Variants in EYS observed in about 807,000 individuals in gnomAD.
EYS encodes EGF-like photoreceptor maintenance factor.
Under a neutral mutation model 282.1 loss-of-function variants are expected in EYS, and 250 were observed. The observed-to-expected ratio is 0.89, with a 90% CI of 0.80 to 0.98. The LOEUF (loss-of-function observed/expected upper bound fraction) is 0.98, where lower values mean the gene tolerates loss of function less well. Among genes scored for constraint, EYS ranks in the 50% least tolerant of loss-of-function variants. EYS has a pLI of 0.00. For missense variants in EYS, 4,016 were observed against 3,709.0 expected (o/e 1.08, Z -2.15); for synonymous variants, 1,355 against 1,282.9 (o/e 1.06, Z -1.20).
At chr6:65,638,096 A>G (rs1582550457) in intron 2 of EYS, among the ~76,000 whole-genome samples, 2 of 152,106 alleles carry the variant, frequency 1.3e-5, no homozygotes, top group African/African-American at 4.8e-5. Context: ...ATAAGCGCAT[A>G]TTTCCTCCCT....
In EYS at chr6:64,707,659, G is replaced by A. The variant is rs554512211; in HGVS notation, c.3444-81414C>T. Among the ~76,000 whole-genome samples the A allele has an allele frequency of 4.4e-4, 27 of 61,964 alleles. No homozygotes were observed. In the East Asian group the frequency reaches 0.01, roughly 24 times the overall value. 40.7% of individuals were successfully genotyped at this position (61,964 alleles called of 152,430 possible). ...CAGCCGGGGCGACAGAGTGAGACTCGTATCAAAAAAAAAAAAAAAAAAAAG... is the reference window on the plus strand; with the variant it reads ...CAGCCGGGGCGACAGAGTGAGACTCATATCAAAAAAAAAAAAAAAAAAAAG... On this transcript the variant is annotated intron_variant, in intron 22 of 42. Transcript: ENST00000503581.
chr6:65,386,926 A>C (rs1244599907), intron 7 of EYS, among the ~76,000 whole-genome samples: 4 of 151,894 alleles, frequency 2.6e-5, no homozygotes. Flanking sequence ...TTAAGGTGTC[A>C]TTTTAGTGGT....
intron 5 of EYS, among the ~76,000 whole-genome samples, chr6:65,477,914 A>C (rs2127251541): frequency 6.6e-6 from 1 of 152,312 alleles, no homozygotes; most frequent in Non-Finnish European, 1.5e-5. Context: ...TTTCAGACTA[A>C]AAAATTGTGT....
chr6:63,835,341 A>C (rs1021908178), intron 36 of EYS, among the ~76,000 whole-genome samples: 1 of 151,358 alleles, frequency 6.6e-6, no homozygotes, highest in African/African-American at 2.4e-5. Flanking sequence ...CTCTCTCTAT[A>C]TATATATACA....
rs9453336 is a variant in EYS, at chr6:65,586,626, G to A, written c.-333+53152C>T. 2.6e-3 allele frequency among the ~76,000 whole-genome samples: 393 copies of A among 152,202 alleles called. 2 individuals carry two copies. Among genetic ancestry groups the A allele is most frequent in the African/African-American group, 9.1e-3 (380 of 41,562 alleles). On this transcript the variant is annotated intron_variant, in intron 2 of 42. Coordinates refer to ENST00000503581, the MANE Select transcript of EYS (RefSeq NM_001142800.2). Reference sequence around the variant, plus strand: ...ACAACCGAAGAATGAAACGCATAAAGAAGTGTGTTCATGCCCACCACAGAA... The same window carrying A: ...ACAACCGAAGAATGAAACGCATAAAAAAGTGTGTTCATGCCCACCACAGAA...
intron 33 of EYS, among the ~76,000 whole-genome samples, chr6:64,029,389 A>G (rs1769704535): frequency 1.3e-5 from 2 of 152,134 alleles, no homozygotes; most frequent in Admixed American, 6.5e-5. Context: ...ATACAAGGAA[A>G]AGATCTCACT....
chr6:64,868,036 T>A (rs994173956), intron 19 of EYS, among the ~76,000 whole-genome samples: 27 of 151,576 alleles, frequency 1.8e-4, no homozygotes, highest in African/African-American at 6.3e-4. Context: ...ATTGTTCGAA[T>A]ACTCATAAAA....
At chr6:64,793,113 C>A (rs1774242080) in intron 22 of EYS, among the ~76,000 whole-genome samples, 1 of 151,946 alleles carries the variant, frequency 6.6e-6, no homozygotes, top group African/African-American at 2.4e-5. Context: ...AGAAATAAAG[C>A]CACCTCCTAG....
chr6:64,766,438 C>T (rs1371547730), intron 22 of EYS, among the ~76,000 whole-genome samples: 1 of 148,586 alleles, frequency 6.7e-6, no homozygotes, highest in Non-Finnish European at 1.5e-5. Flanking sequence ...TCAAGACCAG[C>T]CTGACCAATA....
intron 1 of EYS, among the ~76,000 whole-genome samples, chr6:65,663,274 TC>T (rs1262288880): frequency 1.3e-5 from 2 of 152,116 alleles, no homozygotes; most frequent in African/African-American, 4.8e-5. Flanking sequence ...GATATGTTGC[TC>T]AGCAGAGAAA....
chr6:63,999,158 C>T lies in EYS; in HGVS notation c.6751G>A (p.Gly2251Arg). 2 of 1,551,470 alleles carry T rather than the reference C, an allele frequency of 1.3e-6. No individual in the cohort carries two copies. The highest frequency in any genetic ancestry group is 1.7e-6 in the Non-Finnish European group (2 of 1,146,818). Residue 2251 changes from glycine to arginine, a missense_variant, in exon 34 of 43, where the codon GGA (glycine) becomes AGA (arginine). Coordinates refer to ENST00000503581, the MANE Select transcript of EYS (RefSeq NM_001142800.2). ...IRYTTPVGSPGVVCMIEMTAD... is the reference protein window; with the variant it reads ...IRYTTPVGSPRVVCMIEMTAD... ...GTCATTTCAATCATACAAACAACTC[C>T]AGGGCTGCCAACAGGCGTTGTGTAG... is the stretch of plus-strand genomic sequence containing the variant.
At chr6:65,640,942 C>A (rs1767254960) in intron 1 of EYS, among the ~76,000 whole-genome samples, 1 of 151,342 alleles carries the variant, frequency 6.6e-6, no homozygotes. Flanking sequence ...TTCTTTTTTT[C>A]TCCTCTTAGG....
At chr6:64,580,527 T>C (rs945225194) in intron 26 of EYS, among the ~76,000 whole-genome samples, 37 of 152,092 alleles carry the variant, frequency 2.4e-4, no homozygotes, top group African/African-American at 8.0e-4. Flanking sequence ...GACTGAGGAA[T>C]AGTGAATCAT....
chr6:65,060,582 A>G (rs974776238), intron 12 of EYS, among the ~76,000 whole-genome samples: 3 of 151,848 alleles, frequency 2.0e-5, no homozygotes, highest in Admixed American at 6.6e-5. Flanking sequence ...AGTAACCACA[A>G]TGAATTTTTA....
intron 8 of EYS, among the ~76,000 whole-genome samples, chr6:65,368,568 A>G (rs1357516796): frequency 6.6e-6 from 1 of 151,776 alleles, no homozygotes; most frequent in Non-Finnish European, 1.5e-5. Flanking sequence ...TTAAACATGA[A>G]TCCTGTGAAA....
intron 14 of EYS, among the ~76,000 whole-genome samples, chr6:64,992,783 T>C (rs1771110124): frequency 6.6e-6 from 1 of 151,944 alleles, no homozygotes; most frequent in Admixed American, 6.6e-5. Flanking sequence ...AGAAGGAGGA[T>C]ATGAAAGAAA....
chr6:63,763,035 A>G (rs1328577793), intron 40 of EYS, among the ~76,000 whole-genome samples: 1 of 152,066 alleles, frequency 6.6e-6, no homozygotes, highest in Non-Finnish European at 1.5e-5. Flanking sequence ...TTTCCCTGGC[A>G]TTGGCAAACT....
chr6:64,905,515 T>C (rs546509633), intron 16 of EYS, among the ~76,000 whole-genome samples: 2 of 152,340 alleles, frequency 1.3e-5, no homozygotes, highest in African/African-American at 4.8e-5. Context: ...GTCTCGTCTG[T>C]GTATGGCTAT....
intron 2 of EYS, among the ~76,000 whole-genome samples, chr6:65,561,154 C>T (rs940043087): frequency 2.2e-4 from 34 of 152,226 alleles, no homozygotes; most frequent in African/African-American, 7.5e-4. Flanking sequence ...ACTTTGCCCC[C>T]AGTGGCATTT....
Sources: gnomAD v4.1 joint callset for allele counts (sites outside exome capture counted in the v4.1 genomes callset) on GRCh38, gnomAD v4.1.1 for gene constraint, MANE v1.5 for transcripts, NCBI Gene and HGNC (gene_info 2026-07-23, HGNC 2026-07-21) for gene names.